Variants in CHODL observed in about 807,000 individuals in gnomAD.
CHODL encodes the protein chondrolectin.
Under a neutral mutation model 34.5 loss-of-function variants are expected in CHODL, and 29 were observed. The observed-to-expected ratio is 0.84, with a 90% CI of 0.63 to 1.15. CHODL has a LOEUF of 1.15. Among genes scored for constraint, CHODL ranks in the 50% most tolerant of loss-of-function variants. The probability of loss-of-function intolerance (pLI) is 0.00; values close to 1 mark genes in which losing one functional copy is unlikely to be tolerated. For missense variants in CHODL, 332 were observed against 332.5 expected, an observed-to-expected ratio of 1.00 and a Z score of 0.01; for synonymous variants, 125 against 116.1, an observed-to-expected ratio of 1.08 and a Z score of -0.49.
intron 2 of CHODL, among the ~76,000 whole-genome samples, chr21:18,085,168 A>G (rs2064990902): frequency 6.6e-6 from 1 of 151,670 alleles, no homozygotes; most frequent in African/African-American, 2.4e-5. Flanking sequence ...TTTAGTTTAT[A>G]TGTGTCTTTA....
At chr21:18,209,221 G>A (rs62213379) in intron 2 of CHODL, among the ~76,000 whole-genome samples, 41,297 of 151,904 alleles carry the variant, frequency 0.27, 6,034 homozygotes, top group African/African-American at 0.4. Flanking sequence ...GGCTCAGCTG[G>A]CACTCAAGCC....
At chr21:17,933,968 C>T (rs1477991281) in intron 1 of CHODL, among the ~76,000 whole-genome samples, 1 of 150,352 alleles carries the variant, frequency 6.7e-6, no homozygotes, top group Non-Finnish European at 1.5e-5. Flanking sequence ...ACTGGGGAGG[C>T]AGAGGTTGCA....
intron 2 of CHODL, among the ~76,000 whole-genome samples, chr21:18,063,389 A>G (rs1323727614): frequency 6.6e-6 from 1 of 152,182 alleles, no homozygotes; most frequent in Non-Finnish European, 1.5e-5. Context: ...ACTTCCTTTC[A>G]TTTATTACTG....
Position 18,113,273 on chromosome 21 carries a change from C to T in CHODL, c.-45+85302C>T, listed in dbSNP as rs143220180. Among the ~76,000 whole-genome samples, 753 of 152,182 alleles carry T rather than the reference C, an allele frequency of 4.9e-3. 4 individuals are homozygous for T. Among genetic ancestry groups the T allele is most frequent in the African/African-American group, 0.017 (690 of 41,536 alleles). On this transcript the variant is annotated intron_variant, in intron 2 of 6. Transcript: ENST00000400127. ...GCAATAACAAATGCTGGCGAGGATG[C>T]GGAGAAAAGTGAATTCTTGCACACT...
chr21:18,152,631 G>A (rs1195225673), intron 2 of CHODL, among the ~76,000 whole-genome samples: 6 of 152,174 alleles, frequency 3.9e-5, no homozygotes, highest in East Asian at 1.9e-4. Flanking sequence ...TCAAAACATG[G>A]CAGTTACTTC....
intron 2 of CHODL, among the ~76,000 whole-genome samples, chr21:18,040,316 GAGA>G (rs1038461155): frequency 2.6e-5 from 4 of 151,798 alleles, no homozygotes; most frequent in Non-Finnish European, 2.9e-5. Flanking sequence ...CTTTACAAAA[GAGA>G]AGGAGACGAC....
intron 1 of CHODL, among the ~76,000 whole-genome samples, chr21:18,013,865 C>T (rs563729907): frequency 4.6e-5 from 7 of 151,938 alleles, no homozygotes; most frequent in African/African-American, 1.7e-4. Context: ...GAACTCCTGA[C>T]CTCAGGTGAT....
intron 4 of CHODL, among the ~76,000 whole-genome samples, chr21:18,260,663 A>T (rs1486863825): frequency 6.6e-6 from 1 of 152,088 alleles, no homozygotes; most frequent in African/African-American, 2.4e-5. Context: ...AAATACAAAA[A>T]ACTAGCCTGG....
intron 2 of CHODL, among the ~76,000 whole-genome samples, chr21:18,030,326 G>T (rs560798927): frequency 2.6e-5 from 4 of 152,282 alleles, no homozygotes; most frequent in South Asian, 2.1e-4. Flanking sequence ...ACAACGAGCA[G>T]CATGGACCTG....
At chr21:18,261,233 A>G (rs1210956009) in intron 4 of CHODL, among the ~76,000 whole-genome samples, 1 of 152,168 alleles carries the variant, frequency 6.6e-6, no homozygotes, top group Non-Finnish European at 1.5e-5. Flanking sequence ...CATAGACATG[A>G]TATTAAGGCT....
chr21:18,260,159 G>T, intron 3 of CHODL, 41 bp from the exon 4 acceptor site: 1 of 898,954 alleles, frequency 1.1e-6, no homozygotes, highest in Non-Finnish European at 1.6e-6. Flanking sequence ...CAATTCTCTT[G>T]TTTAATCATT....
Position 18,245,091 on chromosome 21 carries a change from G to A in CHODL, c.-133G>A. The A allele has an allele frequency of 1.4e-6, 1 of 715,232 alleles. No individual in the cohort carries two copies. The highest frequency in any genetic ancestry group is 2.1e-6 in the Non-Finnish European group (1 of 478,494). 44.3% of individuals were successfully genotyped at this position (715,232 alleles called of 1,614,324 possible). A position where few individuals can be genotyped will look rare whatever the true frequency, so the allele number is the denominator to read the frequency against. ...GAAGGCGATGCGCGCAGGGGGTCGG[G>A]CAGCTGGGCTCGGGCGGCGGGAGTA... On this transcript the variant is annotated 5_prime_UTR_variant, in exon 1 of 6. Coordinates refer to ENST00000299295, the MANE Select transcript of CHODL (RefSeq NM_024944.3).
At chr21:18,208,866 TC>T (rs201147747) in intron 2 of CHODL, among the ~76,000 whole-genome samples, 2,550 of 147,934 alleles carry the variant, frequency 0.017, 54 homozygotes, top group African/African-American at 0.059. Flanking sequence ...TCTCTCTCTG[TC>T]CCCCCCACCC....
chr21:18,210,396 CTCTT>C (rs889980845), intron 2 of CHODL, among the ~76,000 whole-genome samples: 40 of 152,300 alleles, frequency 2.6e-4, no homozygotes, highest in African/African-American at 9.1e-4. Flanking sequence ...CAATTTAAGA[CTCTT>C]TCCTACTCTC....
At chr21:18,096,635 G>A (rs11911441) in intron 2 of CHODL, among the ~76,000 whole-genome samples, 5,928 of 152,210 alleles carry the variant, frequency 0.039, 377 homozygotes, top group African/African-American at 0.13. Context: ...TAGTCAGACC[G>A]GTTGTCTGCT....
chr21:18,182,901 A>G (rs774259087), intron 2 of CHODL, among the ~76,000 whole-genome samples: 3 of 152,234 alleles, frequency 2.0e-5, no homozygotes, highest in Non-Finnish European at 4.4e-5. Flanking sequence ...CATTTGTGCT[A>G]CAAGAGTTAG....
intron 1 of CHODL, among the ~76,000 whole-genome samples, chr21:17,967,347 G>A (rs1008241223): frequency 2.0e-5 from 3 of 152,152 alleles, no homozygotes; most frequent in Non-Finnish European, 4.4e-5. Context: ...GACTACAAAT[G>A]TATCATCTAA....
chr21:18,017,368 A>T (rs948854421), intron 1 of CHODL, among the ~76,000 whole-genome samples: 4 of 152,146 alleles, frequency 2.6e-5, no homozygotes, highest in African/African-American at 9.7e-5. Context: ...TTGGTTGTTT[A>T]AAAGTGTGTA....
At chr21:17,969,868 T>C (rs557605756) in intron 1 of CHODL, among the ~76,000 whole-genome samples, 1 of 152,330 alleles carries the variant, frequency 6.6e-6, no homozygotes, top group East Asian at 1.9e-4. Context: ...TGGGCTCTTC[T>C]CTTTGGGCCT....
Sources: allele counts gnomAD v4.1 joint callset (sites outside exome capture counted in the v4.1 genomes callset), GRCh38; gene constraint gnomAD v4.1.1; transcripts MANE v1.5; gene names NCBI Gene and HGNC (gene_info 2026-07-23, HGNC 2026-07-21).